Variants in SLC43A2 observed in about 807,000 individuals in gnomAD.
SLC43A2 encodes the protein large neutral amino acids transporter small subunit 4.
SLC43A2 carries 38 observed loss-of-function variants against 63.2 expected under a neutral mutation model. That is an observed-to-expected ratio of 0.60 (90% CI 0.46 to 0.79). The LOEUF (loss-of-function observed/expected upper bound fraction) is 0.79, where lower values mean the gene tolerates loss of function less well. Ranked by LOEUF, SLC43A2 falls within the 30% of genes least tolerant of loss-of-function variation. The pLI is 0.00. For synonymous variants in SLC43A2, 322 were observed against 331.0 expected (o/e 0.97, Z 0.30); for missense variants, 644 against 756.2 (o/e 0.85, Z 1.74).
intron 5 of SLC43A2, among the ~76,000 whole-genome samples, chr17:1,602,319 T>C (rs8064934): frequency 0.2 from 30,387 of 152,050 alleles, 3,502 homozygotes; most frequent in East Asian, 0.39. Flanking sequence ...TCTTTGTATA[T>C]TGATTTTGTG....
At chr17:1,599,957 T>C (rs1448775685) in intron 5 of SLC43A2, among the ~76,000 whole-genome samples, 17 of 146,022 alleles carry the variant, frequency 1.2e-4, no homozygotes, top group African/African-American at 4.3e-4. Context: ...GACGGGAGAA[T>C]GGCGTGAACC....
chr17:1,604,925 C>CGAAGCCGCGGTGCCGGAGT, intron 5 of SLC43A2: 1 of 1,525,106 alleles, frequency 6.6e-7, no homozygotes, highest in Non-Finnish European at 8.8e-7. Flanking sequence ...AATGGCTGTT[C>CGAAGCCGCGGTGCCGGAGT]GAAGCCGCGG....
chr17:1,599,156 T>G (rs1400246286), intron 5 of SLC43A2, among the ~76,000 whole-genome samples: 1 of 151,920 alleles, frequency 6.6e-6, no homozygotes, highest in Non-Finnish European at 1.5e-5. Context: ...CTGGCCAACA[T>G]GGTGAAACCC....
At position 1,578,315 on chromosome 17, in the gene SLC43A2, G is replaced by A. The variant is rs1378916132; in HGVS notation, c.1359C>T (p.Ser453=). Residue 453 remains serine (S), a synonymous_variant, in exon 12 of 14, where the codon TCC becomes TCT. Transcript: ENST00000301335. The surrounding 1 kb of genome is among the most constrained non-coding windows in gnomAD (Gnocchi z 6.5). The stretch of plus-strand genomic sequence containing the variant: ...CTCGCACGATTGTGTGCAGGATGAA[G>A]GAGAGGATCTGGGGGAGGAAAAGGC... The part of the protein sequence containing the change: ...LIPNLPLQIL[S]FILHTIVRGF... 12 of 1,613,932 alleles carry A rather than the reference G, an allele frequency of 7.4e-6. No homozygotes were observed. The South Asian group carries it at 8.8e-5, about 12-fold the overall frequency.
chr17:1,605,180 GCT>G lies in SLC43A2; in HGVS notation c.501+8013_501+8014del. The G allele has an allele frequency of 8.5e-7, 1 of 1,182,384 alleles. No individual in the cohort carries two copies. The highest frequency in any genetic ancestry group is 1.6e-5 in the African/African-American group (1 of 62,962). 73.2% of individuals were successfully genotyped at this position (1,182,384 alleles called of 1,614,324 possible). A position where few individuals can be genotyped will look rare whatever the true frequency, so the allele number is the denominator to read the frequency against. On this transcript the variant is annotated intron_variant, in intron 5 of 13. Coordinates refer to ENST00000301335, the MANE Select transcript of SLC43A2 (RefSeq NM_152346.3). The surrounding 1 kb of genome is among the most constrained non-coding windows in gnomAD (Gnocchi z 4.9). ...GGGTCAACCTGTCCTGCCAGCCCGG[GCT>G]GTTCACTCACTGCCTCCACGCAGCC...
intron 9 of SLC43A2, among the ~76,000 whole-genome samples, chr17:1,586,454 T>C (rs1226251763): frequency 2.0e-5 from 3 of 152,034 alleles, no homozygotes; most frequent in African/African-American, 7.2e-5. Context: ...CCCAGCACTT[T>C]GGGAGCCCGA....
At chr17:1,596,792 T>C (rs1342469382) in intron 5 of SLC43A2, among the ~76,000 whole-genome samples, 2 of 152,174 alleles carry the variant, frequency 1.3e-5, no homozygotes. Context: ...AGGATCTGAA[T>C]AGACATTTCT....
intron 7 of SLC43A2, 42 bp downstream of exon 7, chr17:1,591,524 G>A (rs1243525416): frequency 1.1e-5 from 18 of 1,606,470 alleles, no homozygotes; most frequent in Non-Finnish European, 1.4e-5. Context: ...CGGCTGGGGG[G>A]CGGGGGCTGG....
chr17:1,617,467 T>C (rs942592289), intron 2 of SLC43A2, among the ~76,000 whole-genome samples: 2 of 152,070 alleles, frequency 1.3e-5, no homozygotes, highest in African/African-American at 4.8e-5. Flanking sequence ...CTCGGCTCAC[T>C]GCAACCTCCG....
At chr17:1,615,625 C>T (rs554828455) in intron 3 of SLC43A2, among the ~76,000 whole-genome samples, 14 of 150,042 alleles carry the variant, frequency 9.3e-5, no homozygotes, top group South Asian at 4.2e-4. Context: ...GGGCAGATCA[C>T]AAGGTCAGGA....
intron 11 of SLC43A2, among the ~76,000 whole-genome samples, chr17:1,582,009 T>G (rs563312225): frequency 1.3e-5 from 2 of 151,236 alleles, no homozygotes; most frequent in South Asian, 2.1e-4. Context: ...GTTTCACCAT[T>G]TTGGATAGGC....
chr17:1,627,733 A>G lies in SLC43A2; in HGVS notation c.142T>C (p.Tyr48His). 6.7e-7 allele frequency: 1 copy of G among 1,482,620 alleles called. No individual in the cohort carries two copies. Among genetic ancestry groups the G allele is most frequent in the Non-Finnish European group, 9.1e-7 (1 of 1,103,432 alleles). 91.8% of individuals were successfully genotyped at this position (1,482,620 alleles called of 1,614,324 possible). ...GTCTCACCTGGCTCGGTACACAGGT[A>G]GGAGTAAAAGCCCTCTGACTTGAGC... The part of the protein sequence containing the change: ...IMLKSEGFYS[Y>H]LCTEPENVTN... The change falls in exon 2 of 14, where the codon TAC becomes CAC. Residue 48 changes from tyrosine (Y) to histidine (H), a missense_variant. By Grantham distance (83) the Tyr-to-His change is moderately conservative (BLOSUM62 2). Around this residue, in one of 3 missense-constraint regions of SLC43A2, gnomAD observed 528 missense variants for 623.6 expected, o/e 0.85. Transcript: ENST00000301335.
intron 2 of SLC43A2, 76 bp from the exon 3 acceptor site, chr17:1,616,845 A>C: frequency 6.6e-7 from 1 of 1,515,776 alleles, no homozygotes; most frequent in Non-Finnish European, 9.0e-7. Context: ...GCAGGTGCCC[A>C]TTCAGAGTCC....
rs905583194 is a variant in SLC43A2, at chr17:1,578,614, G to A, written c.1351-291C>T. The A allele has an allele frequency of 2.5e-5, 9 of 355,816 alleles. No individual in the cohort carries two copies. Among genetic ancestry groups the A allele is most frequent in the African/African-American group, 8.3e-5 (4 of 48,098 alleles). The allele number at this position is 355,816 out of a possible 1,614,324, so 22.0% of individuals were successfully genotyped here. On this transcript the variant is annotated intron_variant, in intron 11 of 13. Transcript: ENST00000301335. The surrounding 1 kb of genome is among the most constrained non-coding windows in gnomAD (Gnocchi z 6.5). ...GTGATCTTGGCTCACTGCAAGCTTC[G>A]CCTCCTGGATTCAAGCAATTCTCCT... is the stretch of plus-strand genomic sequence containing the variant.
intron 5 of SLC43A2, among the ~76,000 whole-genome samples, chr17:1,597,498 C>A (rs866171859): frequency 2.4e-4 from 31 of 131,434 alleles, no homozygotes; most frequent in South Asian, 5.0e-4. Flanking sequence ...GAGCAAGACT[C>A]AAAAAAAAAA....
At chr17:1,600,148 A>AT (rs1567630787) in intron 5 of SLC43A2, among the ~76,000 whole-genome samples, 1 of 77,486 alleles carries the variant, frequency 1.3e-5, no homozygotes, top group South Asian at 4.0e-4. Flanking sequence ...ATATATATAT[A>AT]TATATTTTTT....
At chr17:1,584,467 G>A (rs2076070432) in intron 10 of SLC43A2, among the ~76,000 whole-genome samples, 1 of 152,140 alleles carries the variant, frequency 6.6e-6, no homozygotes, top group South Asian at 2.1e-4. Flanking sequence ...GTCCTCGGTG[G>A]AGGGCCTCAG....
In SLC43A2 at chr17:1,627,763, T is replaced by A. The variant is rs1038759765; in HGVS notation, c.112A>T (p.Ile38Phe). The A allele has an allele frequency of 6.3e-7, 1 of 1,595,874 alleles. No homozygotes were observed. Among genetic ancestry groups the A allele is most frequent in the Non-Finnish European group, 8.5e-7 (1 of 1,172,110 alleles). ...TAAAAGCCCTCTGACTTGAGCATGATGAGCAGCGAGCCCCAGCCCAGGAGG... is the reference window on the plus strand; with the variant it reads ...TAAAAGCCCTCTGACTTGAGCATGAAGAGCAGCGAGCCCCAGCCCAGGAGG... ...AVLLGWGSLL[I>F]MLKSEGFYSY... Residue 38 changes from isoleucine (I) to phenylalanine (F), a missense_variant, in exon 2 of 14, where the codon ATC (isoleucine) becomes TTC (phenylalanine). Transcript: ENST00000301335.
rs1338985792 is a variant in SLC43A2 at position 1,583,080 on chromosome 17, A to T, written c.1350+124T>A. ...AGCAACAGAGTTTGACTCTGTCTCA[A>T]AAAAATAAAGAAAGTCATCCGCTTT... On this transcript the variant is annotated intron_variant, in intron 11 of 13. Transcript: ENST00000301335. The surrounding 1 kb of genome is among the most constrained non-coding windows in gnomAD (Gnocchi z 5.5). 7.8e-5 allele frequency: 89 copies of T among 1,146,842 alleles called. 1 individual carries two copies. The highest frequency in any genetic ancestry group is 1.1e-4 in the Non-Finnish European group (86 of 806,452). 71.0% of individuals were successfully genotyped at this position (1,146,842 alleles called of 1,614,324 possible).
Sources: gnomAD v4.1 joint callset for allele counts (sites outside exome capture counted in the v4.1 genomes callset) on GRCh38, gnomAD v4.1.1 for gene constraint, gnomAD v4.1.1 regional missense constraint, Gnocchi (gnomAD v3.1) non-coding constraint, MANE v1.5 for transcripts, NCBI Gene and HGNC (gene_info 2026-07-23, HGNC 2026-07-21) for gene names.